Variants in SCAPER observed in about 807,000 individuals in gnomAD.
SCAPER encodes the protein S phase cyclin A-associated protein in the endoplasmic reticulum.
A neutral mutation model predicts 182.2 loss-of-function variants in SCAPER; 98 were observed. The observed-to-expected ratio is 0.54, with a 90% CI of 0.46 to 0.64. The LOEUF is 0.64. Ranked by LOEUF, SCAPER falls within the 30% of genes least tolerant of loss-of-function variation. SCAPER has a pLI of 0.00. For synonymous variants in SCAPER, 605 were observed against 564.6 expected (o/e 1.07, Z -1.01); for missense variants, 1,432 against 1,690.0 (o/e 0.85, Z 2.68).
intron 23 of SCAPER, among the ~76,000 whole-genome samples, chr15:76,526,690 CCT>C (rs2043222980): frequency 6.6e-6 from 1 of 151,762 alleles, no homozygotes; most frequent in East Asian, 1.9e-4. Context: ...ATTTTTTTTC[CCT>C]GTCAAGTTTA....
chr15:76,365,763 T>G (rs1566998669), intron 29 of SCAPER, among the ~76,000 whole-genome samples: 1 of 152,154 alleles, frequency 6.6e-6, no homozygotes, highest in East Asian at 1.9e-4. Context: ...TCAGGAGGCC[T>G]GGTTCCAGTG....
intron 2 of SCAPER, among the ~76,000 whole-genome samples, chr15:76,876,160 G>A (rs946992216): frequency 5.3e-5 from 8 of 152,262 alleles, no homozygotes; most frequent in African/African-American, 1.2e-4. Context: ...GCCCGCAAGC[G>A]CCACGCACAG....
intron 23 of SCAPER, among the ~76,000 whole-genome samples, chr15:76,557,604 T>C (rs2046285522): frequency 6.6e-6 from 1 of 152,158 alleles, no homozygotes; most frequent in South Asian, 2.1e-4. Context: ...CCATGTGAAG[T>C]GCCTGCTCCC....
intron 25 of SCAPER, among the ~76,000 whole-genome samples, chr15:76,470,346 T>C (rs1211335403): frequency 6.6e-6 from 1 of 152,140 alleles, no homozygotes; most frequent in Non-Finnish European, 1.5e-5. Flanking sequence ...ATAAGAAGTA[T>C]ACTTAACCTG....
Position 76,626,748 on chromosome 15 carries a change from G to A in SCAPER, c.2646-4919C>T, listed in dbSNP as rs546826604. Among the ~76,000 whole-genome samples the A allele has an allele frequency of 2.0e-5, 3 of 152,224 alleles. No individual in the cohort carries two copies. In the East Asian group the frequency reaches 5.8e-4, roughly 29 times the overall value. On this transcript the variant is annotated intron_variant, in intron 21 of 31. Transcript: ENST00000563290. ...ACAAACAAAAAACATAATTCTATGG[G>A]GCAGAGTAAGTGACAGGTAAGTAAT...
chr15:76,536,306 C>A (rs1232312917), intron 23 of SCAPER, among the ~76,000 whole-genome samples: 1 of 151,900 alleles, frequency 6.6e-6, no homozygotes, highest in Non-Finnish European at 1.5e-5. Flanking sequence ...CCAGTCTGGG[C>A]AACATAGAGA....
At chr15:76,638,081 C>T (rs1204728052) in intron 21 of SCAPER, among the ~76,000 whole-genome samples, 2 of 152,070 alleles carry the variant, frequency 1.3e-5, no homozygotes, top group Non-Finnish European at 2.9e-5. Flanking sequence ...AATATCTTCT[C>T]TCATTCTGTG....
intron 1 of SCAPER, among the ~76,000 whole-genome samples, chr15:76,894,120 C>T (rs1248753186): frequency 1.3e-5 from 2 of 152,214 alleles, no homozygotes; most frequent in Non-Finnish European, 2.9e-5. Context: ...GGTGCAGTGG[C>T]GCATGCCTGC....
At chr15:76,750,036 A>G (rs1294542852) in intron 15 of SCAPER, among the ~76,000 whole-genome samples, 1 of 151,972 alleles carries the variant, frequency 6.6e-6, no homozygotes, top group Non-Finnish European at 1.5e-5. Context: ...AACAGGCACA[A>G]GAGATAAAGT....
intron 15 of SCAPER, among the ~76,000 whole-genome samples, chr15:76,738,443 T>TA (rs1273307095): frequency 6.6e-6 from 1 of 151,050 alleles, no homozygotes; most frequent in Non-Finnish European, 1.5e-5. Flanking sequence ...CTTGAAGACT[T>TA]AGAGGCCACT....
At chr15:76,679,253 A>G (rs757634736) in intron 20 of SCAPER, among the ~76,000 whole-genome samples, 2 of 152,170 alleles carry the variant, frequency 1.3e-5, no homozygotes, top group Non-Finnish European at 2.9e-5. Flanking sequence ...TCTTTTACCT[A>G]TGTTTCCCTA....
chr15:76,592,992 G>C (rs1347373239), intron 22 of SCAPER, among the ~76,000 whole-genome samples: 4 of 116,698 alleles, frequency 3.4e-5, no homozygotes, highest in South Asian at 5.5e-4. Context: ...ACCCTGGAAA[G>C]GGGGCTGAAG....
At chr15:76,445,721 C>T (rs1469260287) in intron 25 of SCAPER, among the ~76,000 whole-genome samples, 1 of 152,090 alleles carries the variant, frequency 6.6e-6, no homozygotes, top group African/African-American at 2.4e-5. Flanking sequence ...TTGGCCCCTT[C>T]TGGCACCATC....
intron 23 of SCAPER, among the ~76,000 whole-genome samples, chr15:76,518,427 A>G (rs954324607): frequency 6.6e-6 from 1 of 152,130 alleles, no homozygotes; most frequent in Non-Finnish European, 1.5e-5. Context: ...TCTTTAGATG[A>G]GGCACAAGGA....
At chr15:76,890,111 G>A (rs1029169787) in intron 1 of SCAPER, among the ~76,000 whole-genome samples, 31 of 152,156 alleles carry the variant, frequency 2.0e-4, no homozygotes, top group African/African-American at 6.8e-4. Flanking sequence ...GATGTTCTTT[G>A]AAATCAATGA....
At chr15:76,537,109 G>T (rs1377671692) in intron 23 of SCAPER, among the ~76,000 whole-genome samples, 1 of 151,892 alleles carries the variant, frequency 6.6e-6, no homozygotes, top group African/African-American at 2.4e-5. Context: ...TCATGGGTAG[G>T]AAGAATCAAT....
intron 25 of SCAPER, among the ~76,000 whole-genome samples, chr15:76,437,052 T>C (rs1353487452): frequency 6.6e-6 from 1 of 152,236 alleles, no homozygotes; most frequent in Non-Finnish European, 1.5e-5. Context: ...TGTTTTTGTA[T>C]GGCTGTGCCT....
chr15:76,376,134 G>A (rs947613199), intron 29 of SCAPER, 28 bp downstream of exon 29: 3 of 1,612,894 alleles, frequency 1.9e-6, no homozygotes, highest in Non-Finnish European at 2.5e-6. Flanking sequence ...TGGGGGAGCA[G>A]TCTAAGGAAC....
chr15:76,626,644 G>A (rs1329286034), intron 21 of SCAPER, among the ~76,000 whole-genome samples: 1 of 152,214 alleles, frequency 6.6e-6, no homozygotes, highest in Admixed American at 6.5e-5. Context: ...TTGAACCTGG[G>A]AGGCGGAGGT....
Sources: allele counts gnomAD v4.1 joint callset (sites outside exome capture counted in the v4.1 genomes callset), GRCh38; gene constraint gnomAD v4.1.1; transcripts MANE v1.5; gene names NCBI Gene and HGNC (gene_info 2026-07-23, HGNC 2026-07-21).